ZNF680: variants seen among roughly 807,000 people sequenced by gnomAD.
ZNF680 encodes the protein zinc finger protein 680, also known as hypothetical protein FLJ90430.
ZNF680 carries 6 observed loss-of-function variants against 12.1 expected under a neutral mutation model. The ratio of observed to expected loss-of-function variants is 0.49; its 90% confidence interval spans 0.27 to 0.98. The LOEUF is 0.98. Ranked by LOEUF, ZNF680 falls within the 50% of genes least tolerant of loss-of-function variation. The pLI, the probability that ZNF680 is intolerant of heterozygous loss-of-function variation, is 0.12. For synonymous variants in ZNF680, 170 were observed against 199.3 expected (o/e 0.85, Z 1.24); for missense variants, 561 against 616.3 (o/e 0.91, Z 0.95).
At chr7:64,506,788 T>C in the ZNF680 span, among the ~76,000 whole-genome samples, 1 of 152,166 alleles carries the variant, frequency 6.6e-6, no homozygotes, top group Non-Finnish European at 1.5e-5. Flanking sequence ...TTGCCTGTGG[T>C]TTAATATTGG....
At chr7:64,555,849 T>C (rs1787385238) in intron 1 of ZNF680, among the ~76,000 whole-genome samples, 1 of 151,380 alleles carries the variant, frequency 6.6e-6, no homozygotes, top group Admixed American at 6.6e-5. Flanking sequence ...GAAATACAAA[T>C]AACTATTGAA....
At chr7:64,513,357 T>C in the ZNF680 span, among the ~76,000 whole-genome samples, 2 of 151,830 alleles carry the variant, frequency 1.3e-5, no homozygotes, top group Non-Finnish European at 2.9e-5. Context: ...AAAAAAAGAA[T>C]TGTAAAAATT....
At chr7:64,518,146 T>C (rs1791391878), downstream of ZNF680, among the ~76,000 whole-genome samples, 1 of 151,960 alleles carries the variant, frequency 6.6e-6, no homozygotes, top group South Asian at 2.1e-4. Flanking sequence ...TCACTATTTG[T>C]TGATGATATG....
At chr7:64,502,802 A>G in the ZNF680 span, among the ~76,000 whole-genome samples, 93 of 152,330 alleles carry the variant, frequency 6.1e-4, no homozygotes, top group African/African-American at 2.1e-3. Flanking sequence ...ATCAAAACCG[A>G]ATAATATATC....
downstream of ZNF680, among the ~76,000 whole-genome samples, chr7:64,515,040 TCACACACACACACACA>T (rs60936039): frequency 2.7e-5 from 4 of 149,074 alleles, no homozygotes; most frequent in East Asian, 2.0e-4. Flanking sequence ...CAAAACTCTG[TCACACACACACACACA>T]CACACACACA....
intron 3 of ZNF680, chr7:64,525,252 T>C (rs1210935732): frequency 1.3e-5 from 2 of 152,172 alleles, no homozygotes; most frequent in Non-Finnish European, 2.9e-5. Flanking sequence ...TATATGATCA[T>C]ATAGGTCATT....
At position 64,521,392 on chromosome 7, in the gene ZNF680, T is replaced by A; in HGVS notation, c.1362A>T (p.Val454=). Residue 454 remains valine (V), a synonymous_variant, in exon 4 of 4, where the codon GTA becomes GTT. Coordinates refer to ENST00000309683, the MANE Select transcript of ZNF680 (RefSeq NM_178558.5). ...TGTAGGATTTCTCTCCAGTATGAATTACTTTATGGTTAGTAAGGGTTGAAA... is the reference window on the plus strand; with the variant it reads ...TGTAGGATTTCTCTCCAGTATGAATAACTTTATGGTTAGTAAGGGTTGAAA... The part of the protein sequence containing the change: ...TLFSTLTNHK[V]IHTGEKSYKC... 1 of 1,613,722 alleles carries A rather than the reference T, an allele frequency of 6.2e-7. No homozygotes were observed. Among genetic ancestry groups the A allele is most frequent in the Non-Finnish European group, 8.5e-7 (1 of 1,179,718 alleles).
In ZNF680 at chr7:64,543,739, C is replaced by G; in HGVS notation, c.221G>C (p.Arg74Thr). The G allele has an allele frequency of 6.2e-7, 1 of 1,613,686 alleles. No individual in the cohort carries two copies. Among genetic ancestry groups the G allele is most frequent in the Non-Finnish European group, 8.5e-7 (1 of 1,179,766 alleles). The change falls in exon 3 of 4, where the codon AGG becomes ACG. Residue 74 changes from arginine to threonine, a missense_variant. By Grantham distance (71) the Arg-to-Thr change is moderately conservative (BLOSUM62 -1). Coordinates refer to ENST00000309683, the MANE Select transcript of ZNF680 (RefSeq NM_178558.5). ...CLEQGKEPWN[R>T]KRQEMVAKPP... ...TTTGGCTACCATCTCCTGTCTCTTC[C>G]TATTCCAGGGCTCTTTTCCTTGCTC...
chr7:64,560,832 C>A (rs1397831228), intron 1 of ZNF680: 1 of 151,372 alleles, frequency 6.6e-6, no homozygotes, highest in African/African-American at 2.4e-5. Context: ...AATTACCCAG[C>A]CGTAAAAAAA....
intron 3 of ZNF680, among the ~76,000 whole-genome samples, chr7:64,539,130 CA>C (rs529165573): frequency 0.25 from 18,974 of 76,840 alleles, 817 homozygotes; most frequent in African/African-American, 0.32. Flanking sequence ...GACTCCATCT[CA>C]AAAAAAAAAA....
downstream of ZNF680, among the ~76,000 whole-genome samples, chr7:64,515,344 CT>C (rs1264900244): frequency 1.3e-5 from 2 of 151,868 alleles, no homozygotes; most frequent in Non-Finnish European, 2.9e-5. Context: ...GCACCCCCCC[CT>C]AAAAAATCCT....
In ZNF680 at chr7:64,556,893, A is replaced by G. The variant is rs528462610; in HGVS notation, c.30+6032T>C. 1.3e-4 allele frequency among the ~76,000 whole-genome samples: 20 copies of G among 152,332 alleles called. No homozygotes were observed. In the East Asian group the frequency reaches 3.9e-3, roughly 29 times the overall value. ...ACAACCTACACAATAAAAAGAAAAT[A>G]TTTGTAAAATATGCTTCTGACAAAG... is the stretch of plus-strand genomic sequence containing the variant. On this transcript the variant is annotated intron_variant, in intron 1 of 3. Transcript: ENST00000309683.
At chr7:64,525,054 G>C (rs1325103150) in intron 3 of ZNF680, 1 of 151,982 alleles carries the variant, frequency 6.6e-6, no homozygotes, top group Non-Finnish European at 1.5e-5. Flanking sequence ...AACCCCCAAA[G>C]TATATAAAGT....
the ZNF680 span, among the ~76,000 whole-genome samples, chr7:64,508,732 AGGCCTTTGGACTAACTCT>A: frequency 2.6e-5 from 4 of 152,206 alleles, no homozygotes; most frequent in African/African-American, 9.6e-5. Flanking sequence ...TGTTATCTAA[AGGCCTTTGGACTAACTCT>A]AGTCCCCACT....
In ZNF680 at chr7:64,521,713, CT is replaced by C; in HGVS notation, c.1040del (p.Glu347GlyfsTer51). Reference protein sequence around the residue: ...LTKHKKIHTGEKPYKCEECGK... With the variant: ...LTKHKKIHTGXKPYKCEECGK... ...CACATTCTTCACATTTGTAGGGTTT[CT>C]CTCCAGTATGAATTTTCTTATGTTT... On this transcript the variant is annotated frameshift_variant, in exon 4 of 4. Coordinates refer to ENST00000309683, the MANE Select transcript of ZNF680 (RefSeq NM_178558.5). LOFTEE classifies it low-confidence loss of function (END_TRUNC). 6.2e-7 allele frequency: 1 copy of C among 1,612,598 alleles called. No homozygotes were observed. Among genetic ancestry groups the C allele is most frequent in the Non-Finnish European group, 8.5e-7 (1 of 1,179,732 alleles).
intron 3 of ZNF680, among the ~76,000 whole-genome samples, chr7:64,535,578 A>T (rs1039386649): frequency 3.9e-5 from 6 of 152,198 alleles, no homozygotes; most frequent in African/African-American, 1.4e-4. Flanking sequence ...AATGAAAAAA[A>T]TCTTATTTCA....
intron 1 of ZNF680, among the ~76,000 whole-genome samples, chr7:64,550,842 A>G (rs1254660564): frequency 2.1e-5 from 3 of 141,008 alleles, no homozygotes; most frequent in African/African-American, 7.8e-5. Flanking sequence ...AGGCCCCTCT[A>G]GAGTAAAGCT....
chr7:64,539,349 C>G (rs13226765), intron 3 of ZNF680, among the ~76,000 whole-genome samples: 1 of 29,908 alleles, frequency 3.3e-5, no homozygotes, highest in Non-Finnish European at 5.5e-5. Context: ...AAAACTTCGT[C>G]TCAAAAAAAA....
intron 3 of ZNF680, among the ~76,000 whole-genome samples, chr7:64,523,974 A>G (rs1791692350): frequency 6.6e-6 from 1 of 152,190 alleles, no homozygotes; most frequent in African/African-American, 2.4e-5. Flanking sequence ...GGGCCAGGAT[A>G]GATCTAATGA....
Sources: allele counts gnomAD v4.1 joint callset (sites outside exome capture counted in the v4.1 genomes callset), GRCh38; gene constraint gnomAD v4.1.1; transcripts MANE v1.5; gene names NCBI Gene and HGNC (gene_info 2026-07-23, HGNC 2026-07-21).